The following RRM2B variants were observed in gnomAD, a reference collection of about 807,000 sequenced individuals.
The protein encoded by RRM2B is ribonucleoside-diphosphate reductase subunit M2 B.
RRM2B carries 20 observed loss-of-function variants against 45.9 expected under a neutral mutation model. The observed-to-expected ratio is 0.44, with a 90% CI of 0.31 to 0.63. The LOEUF is 0.63. RRM2B is among the 30% of genes least tolerant of loss of function. The pLI is 0.09. For missense variants in RRM2B, 320 were observed against 414.7 expected, an observed-to-expected ratio of 0.77 and a Z score of 1.98; for synonymous variants, 124 against 132.3, an observed-to-expected ratio of 0.94 and a Z score of 0.43.
In RRM2B at chr8:102,212,806, G is replaced by C; in HGVS notation, c.873C>G (p.Asp291Glu). ...LMKQYIEFVA[D>E]RLLVELGFSK... ...AGAATCCAAGTTCCACAAGTAATCT[G>C]TCAGCTACAAACTCAATGTACTGTT... The change falls in exon 8 of 9, where the codon GAC (aspartate) becomes GAG (glutamate). Residue 291 changes from aspartate to glutamate, a missense_variant. By Grantham distance (45) the Asp-to-Glu change is conservative. Coordinates refer to ENST00000251810, the MANE Select transcript of RRM2B (RefSeq NM_015713.5). 6.2e-7 allele frequency: 1 copy of C among 1,604,598 alleles called. No individual in the cohort carries two copies. The highest frequency in any genetic ancestry group is 8.5e-7 in the Non-Finnish European group (1 of 1,171,584).
intron 7 of RRM2B, 37 bp downstream of exon 7, chr8:102,214,017 A>C (rs878974660): frequency 2.3e-6 from 3 of 1,319,038 alleles, no homozygotes; most frequent in Non-Finnish European, 3.3e-6. Context: ...CATCAGAGAA[A>C]GAGAGATGTG....
intron 6 of RRM2B, 142 bp from the exon 7 acceptor site, chr8:102,214,300 G>GA: frequency 1.5e-6 from 1 of 675,066 alleles, no homozygotes; most frequent in Non-Finnish European, 2.7e-6. Context: ...ATAGGACTAG[G>GA]AACTTCCTTC....
At chr8:102,221,886 C>G (rs79511002) in intron 5 of RRM2B, among the ~76,000 whole-genome samples, 1 of 152,042 alleles carries the variant, frequency 6.6e-6, no homozygotes, top group African/African-American at 2.4e-5. Flanking sequence ...CTTCTTTTTT[C>G]TCTAAAGCCA....
Position 102,204,737 on chromosome 8 carries a change from A to C in RRM2B, c.*3396T>G, listed in dbSNP as rs1810514578. ...AATTTAGATACACCACACATAATAAAGCTTTCTATGTACACAGTAAATAGT... is the reference window on the plus strand; with the variant it reads ...AATTTAGATACACCACACATAATAACGCTTTCTATGTACACAGTAAATAGT... On this transcript the variant is annotated 3_prime_UTR_variant, in exon 9 of 9. Transcript: ENST00000251810. 1 of 152,232 alleles carries C rather than the reference A, an allele frequency of 6.6e-6. No homozygotes were observed. The highest frequency in any genetic ancestry group is 2.4e-5 in the African/African-American group (1 of 41,468). The allele number at this position is 152,232 out of a possible 1,614,324, so 9.4% of individuals were successfully genotyped here. A position where few individuals can be genotyped will look rare whatever the true frequency, so the allele number is the denominator to read the frequency against.
intron 6 of RRM2B, among the ~76,000 whole-genome samples, chr8:102,217,294 G>T (rs1453880181): frequency 6.6e-6 from 1 of 151,928 alleles, no homozygotes; most frequent in Admixed American, 6.6e-5. Flanking sequence ...TAGAAAAAAA[G>T]TCTATAAAGA....
chr8:102,216,755 AG>A (rs1385905010), intron 6 of RRM2B, among the ~76,000 whole-genome samples: 1 of 152,150 alleles, frequency 6.6e-6, no homozygotes, highest in Non-Finnish European at 1.5e-5. Flanking sequence ...TTATGAAAAA[AG>A]TGTTCAATCT....
intron 7 of RRM2B, among the ~76,000 whole-genome samples, 172 bp downstream of exon 7, chr8:102,213,882 T>G (rs1810677916): frequency 6.6e-6 from 1 of 152,132 alleles, no homozygotes. Flanking sequence ...CTAAAGCAAA[T>G]TGTAAACTGA....
rs952781976 is a variant in RRM2B, at chr8:102,225,974, T to G, written c.265A>C (p.Ile89Leu). 1.9e-6 allele frequency: 3 copies of G among 1,613,072 alleles called. No individual in the cohort carries two copies. In the Admixed American group the frequency reaches 5.0e-5, roughly 27 times the overall value. Residue 89 changes from isoleucine (I) to leucine (L), a missense_variant, in exon 3 of 9, where the codon ATC (isoleucine) becomes CTC (leucine). Around this residue, in one of 3 missense-constraint regions of RRM2B, gnomAD observed 225 missense variants for 289.4 expected, o/e 0.78. Coordinates refer to ENST00000251810, the MANE Select transcript of RRM2B (RefSeq NM_015713.5). ...GCAAAAAAGGCTAAGATGTGAGAGA[T>G]GAAGTACTTCTCATCTGCTTTAAGC... ...NKLKADEKYF[I>L]SHILAFFAAS...
At chr8:102,226,284 C>T (rs1810930219) in intron 2 of RRM2B, among the ~76,000 whole-genome samples, 2 of 149,192 alleles carry the variant, frequency 1.3e-5, no homozygotes, top group Non-Finnish European at 3.0e-5. Flanking sequence ...CTATGTGAGG[C>T]AAAGGAAATA....
intron 5 of RRM2B, among the ~76,000 whole-genome samples, chr8:102,223,012 A>G (rs1563664103): frequency 1.3e-5 from 2 of 152,190 alleles, no homozygotes; most frequent in African/African-American, 2.4e-5. Context: ...ATAATTTTTA[A>G]GAGTACAAAG....
chr8:102,221,933 G>A (rs543879010), intron 5 of RRM2B, among the ~76,000 whole-genome samples: 1 of 152,124 alleles, frequency 6.6e-6, no homozygotes, highest in Non-Finnish European at 1.5e-5. Flanking sequence ...CCTTGTGAGG[G>A]AATCAGCTGA....
intron 6 of RRM2B, among the ~76,000 whole-genome samples, chr8:102,215,045 T>TA (rs3063793): frequency 0.064 from 3,935 of 61,416 alleles, 190 homozygotes; most frequent in African/African-American, 0.16. Context: ...AGCTAAATAT[T>TA]AAAAAAAAAA....
chr8:102,218,958 T>C lies in RRM2B; in HGVS notation c.551-11A>G, dbSNP rs771340722. The C allele has an allele frequency of 1.2e-6, 2 of 1,612,174 alleles. No individual in the cohort carries two copies. The highest frequency in any genetic ancestry group is 2.2e-5 in the South Asian group (2 of 90,784). Reference sequence around the variant, plus strand: ...CCACCACTCTTTCCCCTGGGAGACATAAAATCGTTTCAATTTTTGAAATAT... The same window carrying C: ...CCACCACTCTTTCCCCTGGGAGACACAAAATCGTTTCAATTTTTGAAATAT... On this transcript the variant is annotated splice_polypyrimidine_tract_variant and intron_variant, in intron 5 of 8. Coordinates refer to ENST00000251810, the MANE Select transcript of RRM2B (RefSeq NM_015713.5).
intron 6 of RRM2B, among the ~76,000 whole-genome samples, chr8:102,216,177 A>C (rs1810727784): frequency 6.6e-6 from 1 of 152,064 alleles, no homozygotes; most frequent in Non-Finnish European, 1.5e-5. Flanking sequence ...AGACAGCGCA[A>C]GTCAATGAAG....
intron 8 of RRM2B, among the ~76,000 whole-genome samples, chr8:102,210,364 T>G (rs182027116): frequency 1.7e-3 from 255 of 152,218 alleles, no homozygotes; most frequent in African/African-American, 5.5e-3. Flanking sequence ...CACTAGATGT[T>G]AGAACTGAAG....
chr8:102,219,663 G>A (rs1460813368), intron 5 of RRM2B, among the ~76,000 whole-genome samples: 2 of 152,210 alleles, frequency 1.3e-5, no homozygotes, highest in Non-Finnish European at 2.9e-5. Flanking sequence ...GATGATCAGA[G>A]CTGTAACCCA....
intron 7 of RRM2B, 49 bp from the exon 8 acceptor site, chr8:102,212,938 T>C (rs765971516): frequency 7.5e-6 from 7 of 932,212 alleles, no homozygotes; most frequent in Admixed American, 3.7e-5. Flanking sequence ...ACTATAAATA[T>C]GTATTTTCCA....
intron 4 of RRM2B, 95 bp downstream of exon 4, chr8:102,224,790 A>G: frequency 4.0e-6 from 5 of 1,250,290 alleles, no homozygotes; most frequent in Non-Finnish European, 5.8e-6. Flanking sequence ...TCCATACTTG[A>G]ATAATCTTTC....
intron 8 of RRM2B, among the ~76,000 whole-genome samples, chr8:102,209,229 G>C (rs921751522): frequency 6.6e-6 from 1 of 152,062 alleles, no homozygotes; most frequent in Non-Finnish European, 1.5e-5. Context: ...TTCACAAGGA[G>C]TAACAAAAGA....
Sources: gnomAD v4.1 joint callset for allele counts (sites outside exome capture counted in the v4.1 genomes callset) on GRCh38, gnomAD v4.1.1 for gene constraint, gnomAD v4.1.1 regional missense constraint, MANE v1.5 for transcripts, NCBI Gene and HGNC (gene_info 2026-07-23, HGNC 2026-07-21) for gene names.